PNPLA3: variants seen among roughly 807,000 people sequenced by gnomAD.
PNPLA3 encodes the protein patatin like domain 3, 1-acylglycerol-3-phosphate O-acyltransferase.
In PNPLA3, 42 loss-of-function variants were observed where a neutral mutation model predicts 43.1. The observed-to-expected ratio is 0.97, with a 90% CI of 0.76 to 1.26. The LOEUF (loss-of-function observed/expected upper bound fraction) is 1.26. PNPLA3 is among the 50% of genes most tolerant of loss of function. The pLI is 0.00. For synonymous variants in PNPLA3, 272 were observed against 253.6 expected (o/e 1.07, Z -0.69); for missense variants, 647 against 621.4 (o/e 1.04, Z -0.44).
chr22:43,934,316 TAAAAAA>T (rs3083286), intron 4 of PNPLA3, among the ~76,000 whole-genome samples: 2 of 118,108 alleles, frequency 1.7e-5, no homozygotes, highest in African/African-American at 3.4e-5. Flanking sequence ...GACTCTGCCT[TAAAAAA>T]AAAAAAAAAA....
chr22:43,931,871 A>G (rs527599312), intron 3 of PNPLA3, among the ~76,000 whole-genome samples: 67 of 152,234 alleles, frequency 4.4e-4, no homozygotes, highest in Admixed American at 3.9e-4. Context: ...TGTGACTACG[A>G]TTTTGGAAAT....
At chr22:43,932,332 G>T (rs767785531) in intron 3 of PNPLA3, among the ~76,000 whole-genome samples, 4 of 152,176 alleles carry the variant, frequency 2.6e-5, no homozygotes, top group Non-Finnish European at 4.4e-5. Context: ...AGTCTCAAAA[G>T]TCCCTCCAGG....
chr22:43,927,728 C>T (rs1431900364), intron 2 of PNPLA3, among the ~76,000 whole-genome samples: 1 of 152,102 alleles, frequency 6.6e-6, no homozygotes, highest in African/African-American at 2.4e-5. Context: ...GCAATCTCAA[C>T]CTCCCGAGGA....
chr22:43,927,549 C>T (rs1184091100), intron 2 of PNPLA3, among the ~76,000 whole-genome samples: 1 of 151,934 alleles, frequency 6.6e-6, no homozygotes, highest in Non-Finnish European at 1.5e-5. Context: ...GTTGTAGGCC[C>T]CCTGTGCCAG....
intron 3 of PNPLA3, among the ~76,000 whole-genome samples, chr22:43,929,895 C>A (rs2049951025): frequency 6.6e-6 from 1 of 152,174 alleles, no homozygotes; most frequent in Non-Finnish European, 1.5e-5. Flanking sequence ...TGGTGCCCGG[C>A]CAACAATCAC....
intron 1 of PNPLA3, among the ~76,000 whole-genome samples, chr22:43,926,253 G>C (rs2049921305): frequency 6.6e-6 from 1 of 152,200 alleles, no homozygotes; most frequent in Non-Finnish European, 1.5e-5. Flanking sequence ...ATTTGGGTCA[G>C]GACAGGCTGG....
chr22:43,944,859 C>A, intron 8 of PNPLA3, 64 bp downstream of exon 8: 1 of 1,354,236 alleles, frequency 7.4e-7, no homozygotes, highest in Non-Finnish European at 1.1e-6. Flanking sequence ...TGAGGCCTCA[C>A]ACGACATTCT....
chr22:43,939,503 C>A, intron 6 of PNPLA3: 3 of 837,508 alleles, frequency 3.6e-6, no homozygotes, highest in Admixed American at 5.5e-5. Context: ...TTCAGCTTCA[C>A]ACTGCCCTTG....
Position 43,946,153 on chromosome 22 carries a change from G to A in PNPLA3, c.1218-1G>A, listed in dbSNP as rs200019431. The A allele has an allele frequency of 6.2e-7, 1 of 1,612,150 alleles. No homozygotes were observed. The highest frequency in any genetic ancestry group is 2.2e-5 in the East Asian group (1 of 44,804). ...AAGCCAACTTCCTCCATGTGTTTCA[G>A]GTCCCAAATGCCAGTGAGCAGCCAA... On this transcript the variant is annotated splice_acceptor_variant, in intron 8 of 8. Transcript: ENST00000216180. LOFTEE classifies it high-confidence loss of function.
intron 1 of PNPLA3, 150 bp downstream of exon 1, chr22:43,924,248 C>A: frequency 1.1e-6 from 1 of 925,858 alleles, no homozygotes; most frequent in Non-Finnish European, 1.5e-6. Flanking sequence ...CCCTCCGAGG[C>A]AGATGCTTCC....
intron 2 of PNPLA3, among the ~76,000 whole-genome samples, chr22:43,928,137 A>G (rs1302249847): frequency 6.6e-6 from 1 of 152,144 alleles, no homozygotes; most frequent in Non-Finnish European, 1.5e-5. Context: ...TGGAGGAAGG[A>G]CTCCATTTAC....
Position 43,928,930 on chromosome 22 carries a change from T to G in PNPLA3, c.486+41T>G, listed in dbSNP as rs1198277143. 5 of 1,557,910 alleles carry G rather than the reference T, an allele frequency of 3.2e-6. No individual in the cohort carries two copies. In the African/African-American group the frequency reaches 6.8e-5, roughly 21 times the overall value. ...CTGCTAGCGCTGAGTCCTGGGGGCC[T>G]CTGAAGTGTGCTCACACATCTCCTG... On this transcript the variant is annotated intron_variant, in intron 3 of 8. Transcript: ENST00000216180.
At chr22:43,924,258 C>A in intron 1 of PNPLA3, 160 bp downstream of exon 1, 1 of 877,728 alleles carries the variant, frequency 1.1e-6, no homozygotes, top group Non-Finnish European at 1.6e-6. Flanking sequence ...CAGATGCTTC[C>A]TGCGGGGGCG....
At chr22:43,941,876 G>A (rs1033965047) in intron 7 of PNPLA3, among the ~76,000 whole-genome samples, 2 of 152,114 alleles carry the variant, frequency 1.3e-5, no homozygotes, top group Non-Finnish European at 2.9e-5. Context: ...GAATGGGGCT[G>A]CAGGGAGTCC....
intron 5 of PNPLA3, 33 bp from the exon 6 acceptor site, chr22:43,937,018 G>T: frequency 6.3e-7 from 1 of 1,584,602 alleles, no homozygotes; most frequent in Non-Finnish European, 8.6e-7. Flanking sequence ...TCCCACGTTC[G>T]CCTGATGGGC....
rs778553702 is a variant in PNPLA3, at chr22:43,923,921, G to T, written c.10G>T (p.Ala4Ser). MYD[A>S]ERGWSLSFAG... is the part of the protein sequence containing the mutation. ...CCCCGCCGCCGCCGCCATGTACGAC[G>T]CAGAGCGCGGCTGGAGCTTGTCCTT... The change falls in exon 1 of 9, where the codon GCA becomes TCA. Residue 4 changes from alanine (A) to serine (S), a missense_variant. Physicochemically the swap from Ala to Ser is moderately conservative, Grantham distance 99 (BLOSUM62 1). Transcript: ENST00000216180. 1 of 1,565,292 alleles carries T rather than the reference G, an allele frequency of 6.4e-7. No homozygotes were observed. The highest frequency in any genetic ancestry group is 8.6e-7 in the Non-Finnish European group (1 of 1,164,800).
In PNPLA3 at chr22:43,939,980, T is replaced by C; in HGVS notation, c.980-13T>C. The stretch of plus-strand genomic sequence containing the variant: ...AGTGGTGGGAGATAATAGCTCCAAA[T>C]TGTCTTTTTCAGCACTGAGTGAAGA... On this transcript the variant is annotated splice_polypyrimidine_tract_variant and intron_variant, in intron 6 of 8. Coordinates refer to ENST00000216180, the MANE Select transcript of PNPLA3 (RefSeq NM_025225.3). The C allele has an allele frequency of 6.2e-7, 1 of 1,612,814 alleles. No individual in the cohort carries two copies. Among genetic ancestry groups the C allele is most frequent in the Non-Finnish European group, 8.5e-7 (1 of 1,179,276 alleles).
chr22:43,932,734 G>A lies in PNPLA3; in HGVS notation c.487-144G>A, dbSNP rs191373072. 1.9e-4 allele frequency: 134 copies of A among 708,108 alleles called. 3 individuals are homozygous for A. In the Admixed American group the frequency reaches 3.0e-3, roughly 16 times the overall value. 43.9% of individuals were successfully genotyped at this position (708,108 alleles called of 1,614,324 possible). A position where few individuals can be genotyped will look rare whatever the true frequency, so the allele number is the denominator to read the frequency against. On this transcript the variant is annotated intron_variant, in intron 3 of 8. Coordinates refer to ENST00000216180, the MANE Select transcript of PNPLA3 (RefSeq NM_025225.3). ...TGCTCGGTAAGGATTTGTCGCAGGAGTGATTCCAAAGCCAATGTCCTCCCT... is the reference window on the plus strand; with the variant it reads ...TGCTCGGTAAGGATTTGTCGCAGGAATGATTCCAAAGCCAATGTCCTCCCT...
At chr22:43,936,910 G>C (rs959305678) in intron 5 of PNPLA3, 141 bp from the exon 6 acceptor site, 8 of 683,270 alleles carry the variant, frequency 1.2e-5, no homozygotes, top group South Asian at 1.0e-4. Flanking sequence ...ACCTGTGCTC[G>C]TTCTCTTCCC....
Sources: gnomAD v4.1 joint callset for allele counts (sites outside exome capture counted in the v4.1 genomes callset) on GRCh38, gnomAD v4.1.1 for gene constraint, MANE v1.5 for transcripts, NCBI Gene and HGNC (gene_info 2026-07-23, HGNC 2026-07-21) for gene names.